KCNIP4: variants seen among roughly 807,000 people sequenced by gnomAD.
KCNIP4 encodes potassium voltage-gated channel interacting protein 4.
A neutral mutation model predicts 34.0 loss-of-function variants in KCNIP4; 12 were observed. That is an observed-to-expected ratio of 0.35 (90% confidence interval 0.23 to 0.57). The LOEUF is 0.57. Among genes scored for constraint, KCNIP4 ranks in the 20% least tolerant of loss-of-function variants. KCNIP4 has a pLI of 0.83. For synonymous variants in KCNIP4, 124 were observed against 102.2 expected, an observed-to-expected ratio of 1.21 and a Z score of -1.29; for missense variants, 238 against 311.7, an observed-to-expected ratio of 0.76 and a Z score of 1.78.
intron 1 of KCNIP4, among the ~76,000 whole-genome samples, chr4:20,902,866 G>A (rs1727312606): frequency 6.6e-6 from 1 of 152,116 alleles, no homozygotes; most frequent in Non-Finnish European, 1.5e-5. Flanking sequence ...TTAAATGACT[G>A]TGTTCTCTCT....
At chr4:20,994,600 A>G (rs1203916306) in intron 1 of KCNIP4, among the ~76,000 whole-genome samples, 3 of 152,232 alleles carry the variant, frequency 2.0e-5, no homozygotes, top group Non-Finnish European at 4.4e-5. Context: ...GCAAGCCCAG[A>G]CATGAACTAG....
intron 1 of KCNIP4, among the ~76,000 whole-genome samples, chr4:21,640,484 T>G (rs921827090): frequency 6.6e-6 from 1 of 152,128 alleles, no homozygotes; most frequent in Non-Finnish European, 1.5e-5. Context: ...CAATCTAACA[T>G]TCCAGTCTCC....
At chr4:21,110,904 T>C (rs1437351712) in intron 1 of KCNIP4, among the ~76,000 whole-genome samples, 6 of 152,212 alleles carry the variant, frequency 3.9e-5, no homozygotes, top group Non-Finnish European at 5.9e-5. Flanking sequence ...AGCCACTCAG[T>C]CTATGCCATT....
chr4:21,630,746 C>T (rs919905622), intron 1 of KCNIP4, among the ~76,000 whole-genome samples: 1 of 152,186 alleles, frequency 6.6e-6, no homozygotes, highest in East Asian at 1.9e-4. Flanking sequence ...TCAATGATGC[C>T]CTCTTCATCC....
chr4:21,543,419 A>AT (rs1194411119), intron 1 of KCNIP4, among the ~76,000 whole-genome samples: 4 of 151,134 alleles, frequency 2.6e-5, no homozygotes, highest in East Asian at 1.9e-4. Flanking sequence ...TTAAGCATGT[A>AT]TTTTTTTTTC....
intron 1 of KCNIP4, among the ~76,000 whole-genome samples, chr4:21,286,780 C>T (rs930421946): frequency 1.4e-4 from 22 of 151,972 alleles, no homozygotes; most frequent in Admixed American, 7.2e-4. Flanking sequence ...AAAAATAAAA[C>T]GAAAAGAAAA....
chr4:21,184,473 T>C (rs1755068051), intron 1 of KCNIP4, among the ~76,000 whole-genome samples: 1 of 152,074 alleles, frequency 6.6e-6, no homozygotes, highest in African/African-American at 2.4e-5. Context: ...GGGGACTAGA[T>C]CTGAAAAAGC....
chr4:20,803,470 CA>C (rs551176038), intron 3 of KCNIP4, among the ~76,000 whole-genome samples: 858 of 85,504 alleles, frequency 0.01, no homozygotes, highest in Non-Finnish European at 0.014. Flanking sequence ...TCATCTTTAC[CA>C]AAAAAAAAAA....
chr4:21,183,697 C>T (rs973534300), intron 1 of KCNIP4, among the ~76,000 whole-genome samples: 5 of 151,722 alleles, frequency 3.3e-5, no homozygotes, highest in Non-Finnish European at 7.4e-5. Flanking sequence ...CTCATTGTTC[C>T]CCCCCATTCT....
At chr4:21,209,240 C>T (rs142330755) in intron 1 of KCNIP4, among the ~76,000 whole-genome samples, 1 of 152,232 alleles carries the variant, frequency 6.6e-6, no homozygotes, top group East Asian at 1.9e-4. Context: ...CATCTTAAAA[C>T]ATTTATCATT....
intron 1 of KCNIP4, among the ~76,000 whole-genome samples, chr4:21,033,873 A>T (rs1741222171): frequency 6.6e-6 from 1 of 152,220 alleles, no homozygotes; most frequent in Admixed American, 6.5e-5. Flanking sequence ...AATCACAAAC[A>T]GTGGAAGATA....
intron 1 of KCNIP4, among the ~76,000 whole-genome samples, chr4:21,377,237 G>C (rs1297733195): frequency 6.6e-6 from 1 of 152,146 alleles, no homozygotes; most frequent in Non-Finnish European, 1.5e-5. Context: ...TGAAGAGCTA[G>C]AGCTTCCATG....
chr4:21,933,309 T>C (rs530489607), intron 1 of KCNIP4, among the ~76,000 whole-genome samples: 15 of 152,152 alleles, frequency 9.9e-5, no homozygotes, highest in African/African-American at 3.6e-4. Flanking sequence ...AAACTCAGAC[T>C]CTTAGCCATC....
chr4:21,191,331 G>C (rs1027121702), intron 1 of KCNIP4, among the ~76,000 whole-genome samples: 1 of 152,202 alleles, frequency 6.6e-6, no homozygotes, highest in African/African-American at 2.4e-5. Context: ...AGAAATATGA[G>C]ACTGGAATAT....
chr4:21,345,356 C>T (rs1717185113), intron 1 of KCNIP4, among the ~76,000 whole-genome samples: 1 of 152,136 alleles, frequency 6.6e-6, no homozygotes, highest in African/African-American at 2.4e-5. Context: ...TCTGCAACTT[C>T]ATGGGAGATC....
At chr4:21,865,630 G>A (rs1475867306) in intron 1 of KCNIP4, among the ~76,000 whole-genome samples, 5 of 150,156 alleles carry the variant, frequency 3.3e-5, no homozygotes, top group South Asian at 4.2e-4. Flanking sequence ...TGCAACCTCC[G>A]CCTCCCGGGT....
intron 1 of KCNIP4, among the ~76,000 whole-genome samples, chr4:21,927,138 G>T (rs764772459): frequency 6.6e-6 from 1 of 152,066 alleles, no homozygotes; most frequent in African/African-American, 2.4e-5. Context: ...ATCTCATTAA[G>T]CATTCTTCTT....
chr4:21,913,332 T>C (rs1473857758), intron 1 of KCNIP4, among the ~76,000 whole-genome samples: 1 of 151,106 alleles, frequency 6.6e-6, no homozygotes, highest in Non-Finnish European at 1.5e-5. Context: ...GAGTGAGACC[T>C]TGATTTGTAT....
intron 1 of KCNIP4, among the ~76,000 whole-genome samples, chr4:21,618,189 T>A (rs186020820): frequency 0.011 from 1,643 of 152,336 alleles, 18 homozygotes; most frequent in Non-Finnish European, 0.017. Context: ...TAATTTTTGA[T>A]GCTCCTAGTC....
Sources: allele counts gnomAD v4.1 joint callset (sites outside exome capture counted in the v4.1 genomes callset), GRCh38; gene constraint gnomAD v4.1.1; transcripts MANE v1.5; gene names NCBI Gene and HGNC (gene_info 2026-07-23, HGNC 2026-07-21).